Variants in LCN12 observed in about 807,000 individuals in gnomAD.
LCN12 encodes lipocalin 12.
LCN12 carries 15 observed loss-of-function variants against 23.7 expected under a neutral mutation model. The ratio of observed to expected loss-of-function variants is 0.63; its 90% CI spans 0.42 to 0.97. The LOEUF (loss-of-function observed/expected upper bound fraction) is 0.97. LCN12 is among the 50% of genes least tolerant of loss of function. The pLI, the probability that LCN12 is intolerant of heterozygous loss-of-function variation, is 0.00. For missense variants in LCN12, 219 were observed against 249.6 expected (o/e 0.88, Z 0.83); for synonymous variants, 116 against 111.5 (o/e 1.04, Z -0.25).
At chr9:136,955,120 G>A in intron 5 of LCN12, 1 of 1,416,314 alleles carries the variant, frequency 7.1e-7, no homozygotes, top group Non-Finnish European at 9.2e-7. Flanking sequence ...GGGGGCCCAT[G>A]GGGACAGGGA....
At position 136,954,302 on chromosome 9, in the gene LCN12, C is replaced by T. The variant is rs551576251; in HGVS notation, c.550+47C>T. On this transcript the variant is annotated intron_variant, in intron 5 of 5. Transcript: ENST00000371633. ...CATGCTGGGCAGTAGGCACGGGGCC[C>T]GCAGGAATGAGTTTGGTTGACCCTA... is the stretch of plus-strand genomic sequence containing the variant. 4.3e-5 allele frequency: 66 copies of T among 1,543,930 alleles called. No homozygotes were observed. The Admixed American group carries it at 4.3e-4, about 10-fold the overall frequency.
At chr9:136,950,868 T>G (rs1177403531), upstream of LCN12, among the ~76,000 whole-genome samples, 2 of 151,236 alleles carry the variant, frequency 1.3e-5, no homozygotes, top group Non-Finnish European at 3.0e-5. Context: ...GCTCTTCGAG[T>G]GGCCAGGCTG....
At chr9:136,955,076 G>A (rs1226370586) in intron 5 of LCN12, 5 of 1,406,428 alleles carry the variant, frequency 3.6e-6, no homozygotes, top group Middle Eastern at 2.6e-4. Flanking sequence ...CTGCACACTC[G>A]CTATGCCAGG....
Position 136,952,285 on chromosome 9 carries a change from C to T in LCN12, c.-43C>T, listed in dbSNP as rs1588472367. 7.0e-7 allele frequency: 1 copy of T among 1,435,490 alleles called. No homozygotes were observed. The highest frequency in any genetic ancestry group is 1.4e-5 in the African/African-American group (1 of 71,364). 88.9% of individuals were successfully genotyped at this position (1,435,490 alleles called of 1,614,324 possible). ...GGGTCTCTGGGTCACCTGCCCATGGCCACTTCCTTCTCTCTGTCCCTGTGG... is the reference window on the plus strand; with the variant it reads ...GGGTCTCTGGGTCACCTGCCCATGGTCACTTCCTTCTCTCTGTCCCTGTGG... On this transcript the variant is annotated 5_prime_UTR_variant, in exon 1 of 6. Transcript: ENST00000371633.
At chr9:136,954,511 A>G (rs1234673262) in intron 5 of LCN12, 4 of 452,734 alleles carry the variant, frequency 8.8e-6, no homozygotes, top group East Asian at 9.6e-5. Flanking sequence ...CTCCCGCCCC[A>G]GGTCCCCTGT....
chr9:136,953,028 G>A lies in LCN12; in HGVS notation c.251G>A (p.Arg84Gln), dbSNP rs202164783. The A allele has an allele frequency of 9.3e-6, 15 of 1,613,684 alleles. 1 individual carries two copies. Among genetic ancestry groups the A allele is most frequent in the South Asian group, 6.6e-5 (6 of 91,080 alleles). The change falls in exon 2 of 6, where the codon CGA (arginine) becomes CAA (glutamine). Residue 84 changes from arginine (R) to glutamine (Q), a missense_variant and splice_region_variant. Physicochemically the swap from Arg to Gln is conservative, Grantham distance 43. Coordinates refer to ENST00000371633, the MANE Select transcript of LCN12 (RefSeq NM_178536.4). ...TTTGAGGTGTGGAATGCGATGACTCGGTGAGTGGCTGTCCCTGCCGTTCCA... is the reference window on the plus strand; with the variant it reads ...TTTGAGGTGTGGAATGCGATGACTCAGTGAGTGGCTGTCCCTGCCGTTCCA... ...GRFEVWNAMT[R>Q]GQHCDTWSYV...
intron 5 of LCN12, chr9:136,954,936 G>T: frequency 8.0e-7 from 1 of 1,249,412 alleles, no homozygotes; most frequent in Non-Finnish European, 1.0e-6. Flanking sequence ...TCACGCATGA[G>T]CAAACGTGTA....
At chr9:136,955,258 C>A in intron 5 of LCN12, 113 bp from the exon 6 acceptor site, 1 of 1,512,954 alleles carries the variant, frequency 6.6e-7, no homozygotes, top group Non-Finnish European at 8.9e-7. Flanking sequence ...TTTCTCCCTC[C>A]TGCTTCTCAC....
chr9:136,950,241 G>C (rs753884332), upstream of LCN12, among the ~76,000 whole-genome samples: 21 of 152,328 alleles, frequency 1.4e-4, no homozygotes, highest in Non-Finnish European at 2.6e-4. Context: ...TGTCGTGTCC[G>C]GGAGGCTCCT....
At chr9:136,953,511 G>A (rs986155001) in intron 2 of LCN12, 189 bp from the exon 3 acceptor site, 15 of 577,508 alleles carry the variant, frequency 2.6e-5, no homozygotes, top group African/African-American at 3.8e-5. Context: ...AGAGGCAGAA[G>A]GATCACTTGA....
chr9:136,950,252 G>A (rs1851120405), upstream of LCN12, among the ~76,000 whole-genome samples: 1 of 152,330 alleles, frequency 6.6e-6, no homozygotes, highest in Admixed American at 6.5e-5. Context: ...GGAGGCTCCT[G>A]CAGGGGACGT....
At chr9:136,954,313 G>A in intron 5 of LCN12, 58 bp downstream of exon 5, 2 of 1,534,034 alleles carry the variant, frequency 1.3e-6, no homozygotes, top group Non-Finnish European at 1.8e-6. Context: ...GCAGGAATGA[G>A]TTTGGTTGAC....
Position 136,953,019 on chromosome 9 carries a change from C to T in LCN12, c.242C>T (p.Ala81Val), listed in dbSNP as rs200323689. The change falls in exon 2 of 6, where the codon GCG (alanine) becomes GTG (valine). Residue 81 changes from alanine to valine, a missense_variant. Coordinates refer to ENST00000371633, the MANE Select transcript of LCN12 (RefSeq NM_178536.4). ...GATGGCCGCTTTGAGGTGTGGAATG[C>T]GATGACTCGGTGAGTGGCTGTCCCT... ...SDDGRFEVWN[A>V]MTRGQHCDTW... 5.1e-4 allele frequency: 829 copies of T among 1,613,726 alleles called. No homozygotes were observed. Among genetic ancestry groups the T allele is most frequent in the Admixed American group, 6.8e-4 (41 of 59,998 alleles).
At chr9:136,955,612 C>G, downstream of LCN12, 2 of 534,814 alleles carry the variant, frequency 3.7e-6, no homozygotes, top group Admixed American at 3.3e-5. Flanking sequence ...GGCCCCCCAG[C>G]CGGCTGTCTC....
At chr9:136,955,048 G>T in intron 5 of LCN12, 1 of 1,388,772 alleles carries the variant, frequency 7.2e-7, no homozygotes, top group Non-Finnish European at 9.3e-7. Flanking sequence ...GTGCTGGTCT[G>T]CACACACCTG....
intron 1 of LCN12, 101 bp from the exon 2 acceptor site, chr9:136,952,791 T>G (rs1851191757): frequency 1.4e-6 from 2 of 1,389,478 alleles, no homozygotes; most frequent in African/African-American, 1.4e-5. Flanking sequence ...CACTGCTCTG[T>G]GAGGGGTCCA....
downstream of LCN12, chr9:136,955,564 C>A: frequency 1.6e-6 from 1 of 643,502 alleles, no homozygotes; most frequent in Non-Finnish European, 2.6e-6. Flanking sequence ...ACCGCTGACC[C>A]TGCAGGGCTG....
At chr9:136,952,561 G>A in intron 1 of LCN12, 120 bp downstream of exon 1, 2 of 747,592 alleles carry the variant, frequency 2.7e-6, no homozygotes, top group East Asian at 2.7e-5. Context: ...GCTTCCAGGA[G>A]CCCCCAGGCG....
upstream of LCN12, among the ~76,000 whole-genome samples, chr9:136,950,582 T>C (rs946189259): frequency 3.9e-5 from 6 of 152,140 alleles, no homozygotes; most frequent in African/African-American, 1.4e-4. Flanking sequence ...TAAGACGGGC[T>C]CCGGGAGGGG....
Sources: gnomAD v4.1 joint callset for allele counts (sites outside exome capture counted in the v4.1 genomes callset) on GRCh38, gnomAD v4.1.1 for gene constraint, MANE v1.5 for transcripts, NCBI Gene and HGNC (gene_info 2026-07-23, HGNC 2026-07-21) for gene names.